Variants in ANKFN1 observed in about 807,000 individuals in gnomAD.
ANKFN1 encodes the protein ankyrin repeat and fibronectin type-III domain-containing protein 1.
ANKFN1 carries 74 observed loss-of-function variants against 108.7 expected under a neutral mutation model. The observed-to-expected ratio is 0.68, with a 90% CI of 0.56 to 0.83. The LOEUF (loss-of-function observed/expected upper bound fraction) is 0.83. ANKFN1 is among the 40% of genes least tolerant of loss of function. ANKFN1 has a pLI of 0.00. For synonymous variants in ANKFN1, 547 were observed against 516.2 expected (o/e 1.06, Z -0.81); for missense variants, 1,505 against 1,382.3 (o/e 1.09, Z -1.41).
intron 18 of ANKFN1, among the ~76,000 whole-genome samples, chr17:56,489,480 G>A (rs1027426583): frequency 6.6e-5 from 10 of 151,448 alleles, no homozygotes; most frequent in South Asian, 2.1e-4. Context: ...CCACAAGAGC[G>A]GGGAAACTGA....
At chr17:56,151,180 T>C (rs542305443), upstream of ANKFN1, among the ~76,000 whole-genome samples, 2 of 152,302 alleles carry the variant, frequency 1.3e-5, no homozygotes, top group African/African-American at 2.4e-5. Context: ...GCATTGGTCC[T>C]CTATTACTCA....
chr17:56,194,471 C>A (rs1424813026), intron 1 of ANKFN1, among the ~76,000 whole-genome samples: 1 of 151,988 alleles, frequency 6.6e-6, no homozygotes, highest in East Asian at 1.9e-4. Context: ...ATGGGGAAAC[C>A]TAAATATTTA....
At chr17:56,366,848 G>T (rs1184155519) in intron 6 of ANKFN1, among the ~76,000 whole-genome samples, 1 of 152,188 alleles carries the variant, frequency 6.6e-6, no homozygotes, top group African/African-American at 2.4e-5. Context: ...ACATATCCCT[G>T]TTAGTAAGTG....
In ANKFN1 at chr17:56,326,333, G is replaced by A. The variant is rs767637424; in HGVS notation, c.166G>A (p.Ala56Thr). Residue 56 changes from alanine to threonine, a missense_variant, in exon 4 of 21, where the codon GCT (alanine) becomes ACT (threonine). Physicochemically the swap from Ala to Thr is moderately conservative, Grantham distance 58 (BLOSUM62 0). Coordinates refer to ENST00000682825, the MANE Select transcript of ANKFN1 (RefSeq NM_001370326.1). ...TGQLPTTCSSAASNSINWNCR... is the reference protein window; with the variant it reads ...TGQLPTTCSSTASNSINWNCR... ...ACAATTACCAACAACTTGTTCCTCT[G>A]CTGCCTCGAACAGCATAAACTGGTA... 4 of 1,613,404 alleles carry A rather than the reference G, an allele frequency of 2.5e-6. No homozygotes were observed. The highest frequency in any genetic ancestry group is 2.2e-5 in the South Asian group (2 of 90,904).
chr17:56,430,471 T>G (rs2048716077), intron 8 of ANKFN1, among the ~76,000 whole-genome samples: 2 of 150,230 alleles, frequency 1.3e-5, no homozygotes, highest in East Asian at 4.0e-4. Context: ...AAAAAAAATT[T>G]GCTAAGAGGG....
intron 1 of ANKFN1, among the ~76,000 whole-genome samples, chr17:56,173,610 A>T (rs1910871812): frequency 6.6e-6 from 1 of 151,910 alleles, no homozygotes; most frequent in East Asian, 1.9e-4. Context: ...AATGCACACT[A>T]CCATGCCCAG....
At chr17:56,244,751 C>A (rs1014793990) in intron 3 of ANKFN1, among the ~76,000 whole-genome samples, 11 of 152,190 alleles carry the variant, frequency 7.2e-5, no homozygotes, top group African/African-American at 2.6e-4. Flanking sequence ...CGTAAAGAGA[C>A]CAAGCTTCCT....
At chr17:56,310,413 C>A (rs2044980925) in intron 3 of ANKFN1, among the ~76,000 whole-genome samples, 1 of 151,932 alleles carries the variant, frequency 6.6e-6, no homozygotes, top group African/African-American at 2.4e-5. Flanking sequence ...GTCAGGAGAT[C>A]GAGACCATCC....
At chr17:56,138,967 C>T (rs542727669) in intron 4 of ANKFN1, among the ~76,000 whole-genome samples, 101 of 152,244 alleles carry the variant, frequency 6.6e-4, no homozygotes, top group African/African-American at 2.3e-3. Context: ...AAGTTTTAAG[C>T]TCTAAAATAA....
chr17:56,320,569 G>GGGATCCT (rs2045335158), intron 3 of ANKFN1, among the ~76,000 whole-genome samples: 1 of 152,106 alleles, frequency 6.6e-6, no homozygotes, highest in South Asian at 2.1e-4. Context: ...CATGGTGTGG[G>GGGATCCT]GGATCCTGGG....
chr17:56,389,565 C>T (rs928092419), intron 8 of ANKFN1, among the ~76,000 whole-genome samples: 4 of 152,168 alleles, frequency 2.6e-5, no homozygotes, highest in Non-Finnish European at 5.9e-5. Context: ...GCTGTATGCT[C>T]AGTAAACATG....
At chr17:56,211,038 C>A (rs891594737) in intron 1 of ANKFN1, among the ~76,000 whole-genome samples, 3 of 152,174 alleles carry the variant, frequency 2.0e-5, no homozygotes, top group Admixed American at 2.0e-4. Flanking sequence ...AAGATTTTAT[C>A]CCACTCTGTG....
At chr17:56,138,227 C>T (rs1451812420) in intron 4 of ANKFN1, among the ~76,000 whole-genome samples, 2 of 152,176 alleles carry the variant, frequency 1.3e-5, no homozygotes, top group East Asian at 3.9e-4. Context: ...ATGGGCAACT[C>T]ATGAACCCTA....
At chr17:56,201,710 C>CTA (rs780068848) in intron 1 of ANKFN1, among the ~76,000 whole-genome samples, 59 of 151,780 alleles carry the variant, frequency 3.9e-4, no homozygotes, top group Admixed American at 7.9e-4. Context: ...ATCTAATTCT[C>CTA]TATATATCTG....
At chr17:56,407,492 T>TG (rs899711532) in intron 8 of ANKFN1, among the ~76,000 whole-genome samples, 74 of 152,364 alleles carry the variant, frequency 4.9e-4, no homozygotes, top group African/African-American at 1.6e-3. Context: ...CATATTTCTC[T>TG]GAAGTGTGTG....
intron 8 of ANKFN1, among the ~76,000 whole-genome samples, chr17:56,400,757 T>G (rs926401199): frequency 6.6e-6 from 1 of 152,114 alleles, no homozygotes; most frequent in East Asian, 1.9e-4. Context: ...TTGAGTTGAT[T>G]TTTTTTATAA....
chr17:56,315,469 G>C (rs2045175695), intron 3 of ANKFN1, among the ~76,000 whole-genome samples: 3 of 152,150 alleles, frequency 2.0e-5, no homozygotes, highest in Admixed American at 1.3e-4. Flanking sequence ...TAGCTAGCAG[G>C]GCAGCCCAGA....
chr17:56,354,666 C>A (rs915377783), intron 6 of ANKFN1, among the ~76,000 whole-genome samples: 3 of 152,024 alleles, frequency 2.0e-5, no homozygotes, highest in Admixed American at 6.5e-5. Context: ...GGGTTGATAC[C>A]CATTGACCAA....
intron 4 of ANKFN1, among the ~76,000 whole-genome samples, chr17:56,083,375 G>A (rs1162391919): frequency 2.6e-5 from 4 of 151,298 alleles, no homozygotes; most frequent in Non-Finnish European, 4.4e-5. Flanking sequence ...CACACGCTAA[G>A]TCAAAGCATG....
Sources: gnomAD v4.1 joint callset for allele counts (sites outside exome capture counted in the v4.1 genomes callset) on GRCh38, gnomAD v4.1.1 for gene constraint, MANE v1.5 for transcripts, NCBI Gene and HGNC (gene_info 2026-07-23, HGNC 2026-07-21) for gene names.